The following PDE1C variants were observed in gnomAD, a reference collection of about 807,000 sequenced individuals.
PDE1C encodes the protein phosphodiesterase 1C.
Under a neutral mutation model 93.1 loss-of-function variants are expected in PDE1C, and 62 were observed. That is an observed-to-expected ratio of 0.67 (90% CI 0.54 to 0.82). PDE1C has a LOEUF of 0.82. Ranked by LOEUF, PDE1C falls within the 40% of genes least tolerant of loss-of-function variation. The probability of loss-of-function intolerance (pLI) is 0.00; values close to 1 mark genes in which losing one functional copy is unlikely to be tolerated. For synonymous variants in PDE1C, 325 were observed against 310.1 expected (o/e 1.05, Z -0.50); for missense variants, 742 against 884.6 (o/e 0.84, Z 2.04).
At chr7:32,028,439 A>C (rs2128630307) in intron 2 of PDE1C, among the ~76,000 whole-genome samples, 1 of 152,236 alleles carries the variant, frequency 6.6e-6, no homozygotes, top group Middle Eastern at 3.4e-3. Context: ...ATCTATGCAA[A>C]CCATAAGAAA....
At chr7:31,673,574 A>G in the PDE1C span, among the ~76,000 whole-genome samples, 114 of 151,972 alleles carry the variant, frequency 7.5e-4, no homozygotes, top group Non-Finnish European at 1.2e-3. Context: ...CATTTTTATG[A>G]CCTCTATTTC....
intron 2 of PDE1C, among the ~76,000 whole-genome samples, chr7:32,048,158 G>A (rs1792854464): frequency 6.6e-6 from 1 of 152,154 alleles, no homozygotes; most frequent in African/African-American, 2.4e-5. Context: ...CCCCAGAGAA[G>A]GTCTCAAGCA....
intron 1 of PDE1C, among the ~76,000 whole-genome samples, chr7:32,274,739 C>T (rs555594034): frequency 4.6e-5 from 7 of 152,124 alleles, no homozygotes; most frequent in Non-Finnish European, 1.0e-4. Flanking sequence ...TCACCACTCA[C>T]CCTGCAATCT....
chr7:32,060,217 T>C (rs141858265), intron 1 of PDE1C, among the ~76,000 whole-genome samples: 2 of 152,312 alleles, frequency 1.3e-5, no homozygotes, highest in East Asian at 1.9e-4. Context: ...GAACAAAAAC[T>C]GTAATCTTCT....
the PDE1C span, among the ~76,000 whole-genome samples, chr7:31,724,058 A>G: frequency 5.4e-3 from 818 of 152,314 alleles, 7 homozygotes; most frequent in African/African-American, 0.019. Flanking sequence ...GTCTGAACTC[A>G]ATGGTACAGA....
At chr7:32,051,087 T>C (rs1158709002) in intron 2 of PDE1C, among the ~76,000 whole-genome samples, 4 of 152,172 alleles carry the variant, frequency 2.6e-5, no homozygotes, top group Non-Finnish European at 2.9e-5. Context: ...CACAGTCAAA[T>C]CGAAAGACTG....
intron 3 of PDE1C, among the ~76,000 whole-genome samples, chr7:32,101,672 C>A (rs1333386876): frequency 6.6e-6 from 1 of 152,174 alleles, no homozygotes; most frequent in East Asian, 1.9e-4. Context: ...CAGATGTTAG[C>A]ACAATGCTTC....
chr7:31,950,724 C>T (rs1584144220), intron 2 of PDE1C, among the ~76,000 whole-genome samples: 1 of 152,136 alleles, frequency 6.6e-6, no homozygotes, highest in East Asian at 1.9e-4. Flanking sequence ...CTTGTGACAT[C>T]TCACAAGACC....
chr7:32,420,451 G>A (rs1785408043), intron 1 of PDE1C, among the ~76,000 whole-genome samples: 1 of 138,804 alleles, frequency 7.2e-6, no homozygotes, highest in Non-Finnish European at 1.5e-5. Context: ...CTACTAGTGA[G>A]GCTCAGGCAG....
intron 16 of PDE1C, among the ~76,000 whole-genome samples, chr7:31,793,899 AG>A (rs1479686323): frequency 6.6e-6 from 1 of 151,928 alleles, no homozygotes; most frequent in Non-Finnish European, 1.5e-5. Flanking sequence ...TCCATGCTAC[AG>A]CACTGCTAAG....
intron 3 of PDE1C, among the ~76,000 whole-genome samples, chr7:32,150,176 C>T (rs934399397): frequency 6.6e-6 from 1 of 152,318 alleles, no homozygotes; most frequent in Middle Eastern, 3.4e-3. Context: ...CCCAAAGTGC[C>T]CTGGCTGGCT....
intron 3 of PDE1C, among the ~76,000 whole-genome samples, chr7:32,147,258 A>G (rs1800904507): frequency 1.1e-5 from 1 of 91,098 alleles, no homozygotes; most frequent in Admixed American, 1.2e-4. Context: ...AAAGAAAAGA[A>G]AGAAAGAAAG....
At chr7:31,697,154 T>A in the PDE1C span, 17 of 1,609,426 alleles carry the variant, frequency 1.1e-5, no homozygotes, top group African/African-American at 2.1e-4. Flanking sequence ...CAGGGGGTGA[T>A]GGGGACAGGT....
chr7:32,374,368 T>C (rs1226366918), intron 1 of PDE1C, among the ~76,000 whole-genome samples: 1 of 152,202 alleles, frequency 6.6e-6, no homozygotes, highest in Non-Finnish European at 1.5e-5. Context: ...ACGACTCATT[T>C]GATCAATATA....
At chr7:31,988,903 G>A (rs1455682988) in intron 2 of PDE1C, among the ~76,000 whole-genome samples, 3 of 148,796 alleles carry the variant, frequency 2.0e-5, no homozygotes, top group Non-Finnish European at 3.0e-5. Flanking sequence ...GCTGAGGCAG[G>A]AGAATCACTT....
At chr7:31,927,802 C>G in intron 2 of PDE1C, among the ~76,000 whole-genome samples, 1 of 152,082 alleles carries the variant, frequency 6.6e-6, no homozygotes, top group East Asian at 1.9e-4. Context: ...CATCAAAGAT[C>G]AAAGGTATAT....
chr7:32,047,370 AGATTCATTCACAAGCAAAAG>A (rs1226481872), intron 2 of PDE1C, among the ~76,000 whole-genome samples: 1 of 152,160 alleles, frequency 6.6e-6, no homozygotes, highest in East Asian at 1.9e-4. Flanking sequence ...CTCATGAACA[AGATTCATTCACAAGCAAAAG>A]GATAGTTCCC....
At chr7:32,310,714 G>C (rs1188302884) in intron 1 of PDE1C, among the ~76,000 whole-genome samples, 1 of 151,808 alleles carries the variant, frequency 6.6e-6, no homozygotes, top group Non-Finnish European at 1.5e-5. Context: ...CGAGAACAAA[G>C]ACACAACATA....
chr7:32,017,891 C>A (rs1223881436), intron 2 of PDE1C, among the ~76,000 whole-genome samples: 1 of 147,014 alleles, frequency 6.8e-6, no homozygotes, highest in Admixed American at 6.9e-5. Flanking sequence ...CCAGCCTGGG[C>A]AACATGGTGA....
Sources: gnomAD v4.1 joint callset for allele counts (sites outside exome capture counted in the v4.1 genomes callset) on GRCh38, gnomAD v4.1.1 for gene constraint, MANE v1.5 for transcripts, NCBI Gene and HGNC (gene_info 2026-07-23, HGNC 2026-07-21) for gene names.